The following YEATS2 variants were observed in gnomAD, a reference collection of about 807,000 sequenced individuals.
YEATS2 encodes YEATS domain-containing protein 2.
YEATS2 carries 77 observed loss-of-function variants against 163.2 expected under a neutral mutation model. The ratio of observed to expected loss-of-function variants is 0.47; its 90% CI spans 0.39 to 0.57. YEATS2 has a LOEUF of 0.57. Ranked by LOEUF, YEATS2 falls within the 20% of genes least tolerant of loss-of-function variation. YEATS2 has a pLI of 0.00. For synonymous variants in YEATS2, 631 were observed against 645.1 expected, an observed-to-expected ratio of 0.98 and a Z score of 0.33; for missense variants, 1,549 against 1,729.8, an observed-to-expected ratio of 0.90 and a Z score of 1.85.
At chr3:183,711,372 C>T (rs1326095988) in intron 1 of YEATS2, among the ~76,000 whole-genome samples, 1 of 149,682 alleles carries the variant, frequency 6.7e-6, no homozygotes, top group Non-Finnish European at 1.5e-5. Flanking sequence ...ACTCGGGAGG[C>T]TGAGGCAGGA....
chr3:183,728,111 C>T (rs1250413883), intron 6 of YEATS2, among the ~76,000 whole-genome samples: 2 of 152,168 alleles, frequency 1.3e-5, no homozygotes, highest in African/African-American at 2.4e-5. Flanking sequence ...GTCACCTAGA[C>T]TGAAGTACAG....
intron 6 of YEATS2, among the ~76,000 whole-genome samples, chr3:183,726,904 C>T (rs1465158332): frequency 5.3e-5 from 8 of 152,074 alleles, no homozygotes; most frequent in African/African-American, 1.7e-4. Flanking sequence ...AGGGTTCAAG[C>T]GATTCTCCTG....
rs535958292 is a variant in YEATS2 at position 183,811,590 on chromosome 3, C to G, written c.*1007C>G. 1 of 152,602 alleles carries G rather than the reference C, an allele frequency of 6.6e-6. No individual in the cohort carries two copies. Among genetic ancestry groups the G allele is most frequent in the Non-Finnish European group, 1.5e-5 (1 of 68,090 alleles). 9.5% of individuals were successfully genotyped at this position (152,602 alleles called of 1,614,324 possible). A position where few individuals can be genotyped will look rare whatever the true frequency, so the allele number is the denominator to read the frequency against. Reference sequence around the variant, plus strand: ...AGTTGGAGAAGTAACTGCCCATGCCCAGAAATAAGGATGCCAGTGCCCAGA... The same window carrying G: ...AGTTGGAGAAGTAACTGCCCATGCCGAGAAATAAGGATGCCAGTGCCCAGA... On this transcript the variant is annotated 3_prime_UTR_variant, in exon 31 of 31. Transcript: ENST00000305135.
chr3:183,776,681 C>T (rs919179294), intron 18 of YEATS2, among the ~76,000 whole-genome samples: 3 of 152,034 alleles, frequency 2.0e-5, no homozygotes, highest in Admixed American at 6.5e-5. Flanking sequence ...AAGCCAGGCA[C>T]GGTGGCTCAC....
intron 15 of YEATS2, among the ~76,000 whole-genome samples, chr3:183,763,336 GATCTCAAC>G (rs1028376223): frequency 6.6e-6 from 1 of 152,106 alleles, no homozygotes; most frequent in Non-Finnish European, 1.5e-5. Context: ...AGTATTTGTG[GATCTCAAC>G]ATATCTAAAT....
intron 19 of YEATS2, among the ~76,000 whole-genome samples, chr3:183,779,849 C>T (rs1451776095): frequency 4.6e-5 from 7 of 151,954 alleles, no homozygotes; most frequent in African/African-American, 2.4e-5. Context: ...AGGTGCCCGC[C>T]ACCATGTCCA....
chr3:183,737,822 C>T (rs1314928210), intron 8 of YEATS2, among the ~76,000 whole-genome samples: 1 of 152,110 alleles, frequency 6.6e-6, no homozygotes, highest in Non-Finnish European at 1.5e-5. Flanking sequence ...TACAGGCATA[C>T]TTTGTTTCAT....
At chr3:183,786,354 G>C in intron 20 of YEATS2, 53 bp downstream of exon 20, 1 of 1,538,552 alleles carries the variant, frequency 6.5e-7, no homozygotes, top group South Asian at 1.2e-5. Flanking sequence ...AAGTGGTGTA[G>C]ATACAAGGAA....
At chr3:183,743,034 T>C (rs945881968) in intron 8 of YEATS2, among the ~76,000 whole-genome samples, 1 of 152,260 alleles carries the variant, frequency 6.6e-6, no homozygotes, top group African/African-American at 2.4e-5. Context: ...ACATACTTAA[T>C]AGATGACAGC....
intron 7 of YEATS2, among the ~76,000 whole-genome samples, chr3:183,731,468 A>G (rs1717774501): frequency 6.6e-6 from 1 of 152,244 alleles, no homozygotes; most frequent in Non-Finnish European, 1.5e-5. Context: ...AATGCAACAC[A>G]AGTGCCTGTT....
At chr3:183,747,397 C>A (rs1719659259) in intron 8 of YEATS2, among the ~76,000 whole-genome samples, 1 of 151,998 alleles carries the variant, frequency 6.6e-6, no homozygotes, top group African/African-American at 2.4e-5. Context: ...CAGTAAACAT[C>A]TTTTTGTGTA....
chr3:183,798,676 AGT>A (rs953124692), intron 22 of YEATS2, among the ~76,000 whole-genome samples: 2 of 152,116 alleles, frequency 1.3e-5, no homozygotes, highest in Admixed American at 1.3e-4. Flanking sequence ...TTCTTAGTTT[AGT>A]GACAGGCTCC....
At chr3:183,756,749 TCC>T in intron 12 of YEATS2, 60 bp downstream of exon 12, 1 of 1,299,618 alleles carries the variant, frequency 7.7e-7, no homozygotes, top group Non-Finnish European at 9.9e-7. Flanking sequence ...AAAAATGTAA[TCC>T]TGCCATGACT....
rs1350576089 is a variant in YEATS2, at chr3:183,756,680, C to T, written c.1543C>T (p.Pro515Ser). ...GGGGCAGGTGATTGGAGCCACCACT[C>T]CCAGTACAGGTGTGTATTAGATCCA... Reference protein sequence around the residue: ...QPGQVIGATTPSTGSPTNKIS... With the variant: ...QPGQVIGATTSSTGSPTNKIS... The change falls in exon 12 of 31, where the codon CCC (proline) becomes TCC (serine). Residue 515 changes from proline (P) to serine (S), a missense_variant. Physicochemically the swap from Pro to Ser is moderately conservative, Grantham distance 74. Transcript: ENST00000305135. 1 of 1,582,096 alleles carries T rather than the reference C, an allele frequency of 6.3e-7. No homozygotes were observed. Among genetic ancestry groups the T allele is most frequent in the Admixed American group, 1.8e-5 (1 of 56,012 alleles).
chr3:183,751,014 A>G (rs1720105415), intron 9 of YEATS2, among the ~76,000 whole-genome samples: 1 of 152,106 alleles, frequency 6.6e-6, no homozygotes, highest in Non-Finnish European at 1.5e-5. Flanking sequence ...TGTCCAAGAA[A>G]CCATTACCAA....
At chr3:183,740,237 C>T (rs565963677) in intron 8 of YEATS2, among the ~76,000 whole-genome samples, 17 of 151,824 alleles carry the variant, frequency 1.1e-4, no homozygotes, top group African/African-American at 4.1e-4. Context: ...CCAGAATCTA[C>T]AATGAACTCA....
At position 183,728,725 on chromosome 3, in the gene YEATS2, A is replaced by G. The variant is rs778181196; in HGVS notation, c.686A>G (p.Gln229Arg). 4.8e-5 allele frequency: 77 copies of G among 1,612,844 alleles called. No individual in the cohort carries two copies. The highest frequency in any genetic ancestry group is 1.6e-4 in the Middle Eastern group (1 of 6,078). The change falls in exon 7 of 31, where the codon CAG (glutamine) becomes CGG (arginine). Residue 229 changes from glutamine (Q) to arginine (R), a missense_variant. Transcript: ENST00000305135. ...CCGGATAAGAGGGAAGAAAATGACC[A>G]GTCAACTCATAAGTGGATGGTATAT... ...IPPDKREENDQSTHKWMVYVR... is the reference protein window; with the variant it reads ...IPPDKREENDRSTHKWMVYVR...
intron 17 of YEATS2, among the ~76,000 whole-genome samples, chr3:183,775,200 G>A (rs262958): frequency 0.43 from 64,904 of 152,028 alleles, 14,477 homozygotes; most frequent in East Asian, 0.65. Context: ...AGACAACATC[G>A]AGCACTGTAA....
chr3:183,809,790 T>C (rs1354834357), intron 30 of YEATS2, among the ~76,000 whole-genome samples: 2 of 152,202 alleles, frequency 1.3e-5, no homozygotes, highest in African/African-American at 4.8e-5. Flanking sequence ...CAAATATTAT[T>C]TTATTGCATT....
Sources: gnomAD v4.1 joint callset for allele counts (sites outside exome capture counted in the v4.1 genomes callset) on GRCh38, gnomAD v4.1.1 for gene constraint, MANE v1.5 for transcripts, NCBI Gene and HGNC (gene_info 2026-07-23, HGNC 2026-07-21) for gene names.